The following WDR62 variants were observed in gnomAD, a reference collection of about 807,000 sequenced individuals.
WDR62 encodes the protein WD repeat-containing protein 62.
In WDR62, 112 loss-of-function variants were observed where a neutral mutation model predicts 160.6. That is an observed-to-expected ratio of 0.70 (90% CI 0.60 to 0.82). The LOEUF (loss-of-function observed/expected upper bound fraction) is 0.82, where lower values mean the gene tolerates loss of function less well. Among genes scored for constraint, WDR62 ranks in the 40% least tolerant of loss-of-function variants. The pLI, the probability that WDR62 is intolerant of heterozygous loss-of-function variation, is 0.00. For missense variants in WDR62, 1,819 were observed against 1,983.8 expected (o/e 0.92, Z 1.58); for synonymous variants, 792 against 815.1 (o/e 0.97, Z 0.48).
intron 22 of WDR62, 89 bp downstream of exon 22, chr19:36,099,706 G>A: frequency 7.7e-7 from 1 of 1,292,962 alleles, no homozygotes; most frequent in Non-Finnish European, 1.1e-6. Context: ...CACTCCATGG[G>A]GGCAGGGAGG....
intron 6 of WDR62, 79 bp from the exon 7 acceptor site, chr19:36,067,748 GT>G: frequency 6.6e-7 from 1 of 1,506,386 alleles, no homozygotes; most frequent in Non-Finnish European, 9.2e-7. Context: ...GAGTTCTCCT[GT>G]TTTGTTGTGT....
In WDR62 at chr19:36,067,797, A is replaced by G. The variant is rs924807226; in HGVS notation, c.700-31A>G. On this transcript the variant is annotated intron_variant, in intron 6 of 31. Coordinates refer to ENST00000401500, the MANE Select transcript of WDR62 (RefSeq NM_001083961.2). ...TCATGCAGGGCCCAGCTGTGTGGAC[A>G]AGTATCTCACTACGCCCTCTGTGTC... The G allele has an allele frequency of 3.1e-6, 5 of 1,612,208 alleles. No individual in the cohort carries two copies. The Admixed American group carries it at 6.7e-5, about 21-fold the overall frequency.
downstream of WDR62, among the ~76,000 whole-genome samples, chr19:36,105,637 A>G (rs1973695588): frequency 6.6e-6 from 1 of 152,126 alleles, no homozygotes; most frequent in Admixed American, 6.5e-5. Flanking sequence ...GCTTGAGGCC[A>G]GGAGTTTGAG....
At chr19:36,062,649 C>CAAAAAAAAAAAAAAAAA (rs1167386837) in intron 3 of WDR62, 6 of 39,464 alleles carry the variant, frequency 1.5e-4, no homozygotes, top group African/African-American at 7.1e-4. Context: ...GAGTCCGTCT[C>CAAAAAAAAAAAAAAAAA]AAAAAAAAAA....
intron 1 of WDR62, among the ~76,000 whole-genome samples, chr19:36,056,197 C>T (rs148501866): frequency 3.0e-4 from 45 of 152,100 alleles, no homozygotes; most frequent in Admixed American, 7.9e-4. Flanking sequence ...TATACTATTG[C>T]ATTGGAGGGA....
At chr19:36,093,988 T>C in intron 19 of WDR62, 43 bp from the exon 20 acceptor site, 1 of 1,611,778 alleles carries the variant, frequency 6.2e-7, no homozygotes, top group Non-Finnish European at 8.5e-7. Context: ...CACCAGCCCA[T>C]TTGCCTGTAT....
At chr19:36,055,695 C>G (rs1437292949) in intron 1 of WDR62, among the ~76,000 whole-genome samples, 1 of 152,210 alleles carries the variant, frequency 6.6e-6, no homozygotes, top group African/African-American at 2.4e-5. Context: ...TATAAAATCT[C>G]TGCAGTGCTG....
intron 1 of WDR62, among the ~76,000 whole-genome samples, chr19:36,058,019 C>T (rs62109747): frequency 0.14 from 20,752 of 152,116 alleles, 1,729 homozygotes; most frequent in Middle Eastern, 0.24. Context: ...GAGCCTTCTT[C>T]GTGGCTTGTT....
intron 7 of WDR62, among the ~76,000 whole-genome samples, chr19:36,069,685 C>CTCCA (rs1357693753): frequency 6.6e-6 from 1 of 152,274 alleles, no homozygotes; most frequent in African/African-American, 2.4e-5. Flanking sequence ...CGCCACTGCA[C>CTCCA]TCCAGCCTGG....
chr19:36,095,383 T>A (rs1424754862), intron 20 of WDR62, among the ~76,000 whole-genome samples: 1 of 152,206 alleles, frequency 6.6e-6, no homozygotes, highest in Non-Finnish European at 1.5e-5. Flanking sequence ...TTCTGGTATC[T>A]GCTGTACCCA....
At chr19:36,081,726 C>T (rs920651244) in intron 10 of WDR62, 156 bp downstream of exon 10, 28 of 873,692 alleles carry the variant, frequency 3.2e-5, no homozygotes, top group Non-Finnish European at 5.0e-5. Context: ...GCATCACTGC[C>T]TCTTGTTTCT....
In WDR62 at chr19:36,083,195, C is replaced by G; in HGVS notation, c.1504C>G (p.Pro502Ala). ...CGGGGTGCGGGTCATGCAGGTCAGT[C>G]CTGACGGCCAGCATTTGGCTTCAGG... is the stretch of plus-strand genomic sequence containing the variant. The part of the protein sequence containing the change: ...KAGVRVMQVS[P>A]DGQHLASGDR... The change falls in exon 11 of 32, where the codon CCT (proline) becomes GCT (alanine). Residue 502 changes from proline (P) to alanine (A), a missense_variant. By Grantham distance (27) the Pro-to-Ala change is conservative (BLOSUM62 -1). This residue lies in a region of WDR62 where 934 missense variants were observed against 1,157.2 expected (regional missense o/e 0.81). Transcript: ENST00000401500. The G allele has an allele frequency of 6.2e-7, 1 of 1,610,754 alleles. No homozygotes were observed. The highest frequency in any genetic ancestry group is 2.2e-5 in the East Asian group (1 of 44,844).
chr19:36,079,457 A>T (rs1030359390), intron 9 of WDR62, among the ~76,000 whole-genome samples: 1 of 151,942 alleles, frequency 6.6e-6, no homozygotes, highest in Admixed American at 6.6e-5. Flanking sequence ...TTTCGTCTCA[A>T]TCTCCTCTTT....
At chr19:36,091,344 C>T in intron 17 of WDR62, 33 bp downstream of exon 17, 2 of 1,585,226 alleles carry the variant, frequency 1.3e-6, no homozygotes, top group Middle Eastern at 1.7e-4. Flanking sequence ...GATGCCTCCC[C>T]ACCCGCCCAC....
chr19:36,069,078 A>AC (rs1568332219), intron 7 of WDR62, among the ~76,000 whole-genome samples: 1 of 134,250 alleles, frequency 7.4e-6, no homozygotes, highest in Non-Finnish European at 1.6e-5. Flanking sequence ...GCGGGGGCTA[A>AC]CCCCCCACCT....
chr19:36,101,983 T>C (rs766362215), intron 25 of WDR62, 31 bp from the exon 26 acceptor site: 5 of 1,613,754 alleles, frequency 3.1e-6, no homozygotes, highest in Non-Finnish European at 4.2e-6. Context: ...TGGTGTTGGC[T>C]CCTCTTGTCC....
intron 12 of WDR62, among the ~76,000 whole-genome samples, chr19:36,086,384 A>AAG (rs1434118917): frequency 6.6e-6 from 1 of 152,140 alleles, no homozygotes; most frequent in Non-Finnish European, 1.5e-5. Flanking sequence ...CCCAGCAGGC[A>AAG]AGAGCGCTGG....
At chr19:36,093,010 C>T (rs35406918) in intron 19 of WDR62, among the ~76,000 whole-genome samples, 199 bp downstream of exon 19, 1 of 152,094 alleles carries the variant, frequency 6.6e-6, no homozygotes, top group Non-Finnish European at 1.5e-5. Flanking sequence ...TTTTAATTTT[C>T]GTAAATAATA....
downstream of WDR62, among the ~76,000 whole-genome samples, chr19:36,109,763 AT>A (rs533249050): frequency 7.1e-6 from 1 of 141,198 alleles, no homozygotes; most frequent in African/African-American, 2.7e-5. Flanking sequence ...AACAAAAAAA[AT>A]AAAAACAGGT....
Sources: gnomAD v4.1 joint callset for allele counts (sites outside exome capture counted in the v4.1 genomes callset) on GRCh38, gnomAD v4.1.1 for gene constraint, gnomAD v4.1.1 regional missense constraint, MANE v1.5 for transcripts, NCBI Gene and HGNC (gene_info 2026-07-23, HGNC 2026-07-21) for gene names.